The following RIMBP2 variants were observed in gnomAD, a reference collection of about 807,000 sequenced individuals.
RIMBP2 encodes RIMS-binding protein 2.
RIMBP2 carries 48 observed loss-of-function variants against 118.6 expected under a neutral mutation model. That is an observed-to-expected ratio of 0.40 (90% CI 0.32 to 0.51). The LOEUF (loss-of-function observed/expected upper bound fraction) is 0.51. Ranked by LOEUF, RIMBP2 falls within the 20% of genes least tolerant of loss-of-function variation. The probability of loss-of-function intolerance (pLI) is 0.41; values close to 1 mark genes in which losing one functional copy is unlikely to be tolerated. For missense variants in RIMBP2, 1,551 were observed against 1,768.3 expected, an observed-to-expected ratio of 0.88 and a Z score of 2.20; for synonymous variants, 762 against 742.9, an observed-to-expected ratio of 1.03 and a Z score of -0.42.
chr12:130,612,907 T>G (rs1348864039), intron 2 of RIMBP2, among the ~76,000 whole-genome samples: 1 of 72,320 alleles, frequency 1.4e-5, no homozygotes, highest in African/African-American at 5.3e-5. Flanking sequence ...CCCTCCCCCC[T>G]CCCCCAAGTC....
chr12:130,620,487 A>G lies in RIMBP2; in HGVS notation c.-217+7835T>C, dbSNP rs774727545. ...TAGTTTCCTCCAGCCGCCGTGACAA[A>G]GTACGACAAGCCAGGAGGCTTGAAG... On this transcript the variant is annotated intron_variant, in intron 2 of 22. Coordinates refer to ENST00000690449, the MANE Select transcript of RIMBP2 (RefSeq NM_001393629.1). This position sits in a 1 kb window ranked among gnomAD's most constrained non-coding sequence, Gnocchi z 5.3. Among the ~76,000 whole-genome samples the G allele has an allele frequency of 5.9e-5, 9 of 152,174 alleles. No homozygotes were observed. Among genetic ancestry groups the G allele is most frequent in the Non-Finnish European group, 8.8e-5 (6 of 68,016 alleles).
intron 2 of RIMBP2, among the ~76,000 whole-genome samples, chr12:130,568,082 T>A (rs1367653850): frequency 6.6e-6 from 1 of 152,224 alleles, no homozygotes; most frequent in Non-Finnish European, 1.5e-5. Context: ...ACATCAGGTG[T>A]CCCTCCATTC....
chr12:130,481,928 C>T (rs1215362687), intron 4 of RIMBP2, among the ~76,000 whole-genome samples: 78 of 130,284 alleles, frequency 6.0e-4, no homozygotes, highest in Non-Finnish European at 1.3e-3. Context: ...CCCGACCCCC[C>T]AAGCCGCCAC....
rs762822464 is a variant in RIMBP2 at position 130,442,532 on chromosome 12, T to C, written c.820A>G (p.Ile274Val). The change falls in exon 11 of 23, where the codon ATC becomes GTC. Residue 274 changes from isoleucine to valine, a missense_variant. Ile to Val is a conservative substitution (Grantham distance 29). Around this residue, in one of 5 missense-constraint regions of RIMBP2, gnomAD observed 265 missense variants for 349.5 expected, o/e 0.76. Transcript: ENST00000690449. This position sits in a 1 kb window ranked among gnomAD's most constrained non-coding sequence, Gnocchi z 6.9. Reference sequence around the variant, plus strand: ...AGGATGTGCTCTCCCTCCAGGCCGATGCCGGAATGGTTGATGAAGTTCTGA... The same window carrying C: ...AGGATGTGCTCTCCCTCCAGGCCGACGCCGGAATGGTTGATGAAGTTCTGA... ...QDQNFINHSG[I>V]GLEGEHILDL... 1.2e-6 allele frequency: 2 copies of C among 1,614,042 alleles called. No homozygotes were observed. Among genetic ancestry groups the C allele is most frequent in the African/African-American group, 2.7e-5 (2 of 74,914 alleles).
chr12:130,534,561 G>A (rs2053817700), intron 2 of RIMBP2, among the ~76,000 whole-genome samples: 1 of 152,228 alleles, frequency 6.6e-6, no homozygotes, highest in African/African-American at 2.4e-5. Flanking sequence ...AAATGTAGCG[G>A]GAAGTGTGAG....
intron 1 of RIMBP2, among the ~76,000 whole-genome samples, chr12:130,644,921 C>T (rs181880654): frequency 5.3e-4 from 80 of 152,312 alleles, no homozygotes; most frequent in African/African-American, 1.8e-3. Flanking sequence ...CACCTGCCAG[C>T]GGCAATGACC....
intron 2 of RIMBP2, among the ~76,000 whole-genome samples, chr12:130,572,433 C>T (rs2057749283): frequency 6.6e-6 from 1 of 152,072 alleles, no homozygotes; most frequent in African/African-American, 2.4e-5. Context: ...TAGAAGGGAC[C>T]TTCCTTGGAC....
chr12:130,512,720 G>A (rs1213804274), intron 3 of RIMBP2, among the ~76,000 whole-genome samples: 1 of 152,206 alleles, frequency 6.6e-6, no homozygotes, highest in East Asian at 1.9e-4. Context: ...GACTCAGAGT[G>A]ACAAAGATGA....
At chr12:130,457,616 C>T (rs1001469934) in intron 6 of RIMBP2, among the ~76,000 whole-genome samples, 2 of 152,238 alleles carry the variant, frequency 1.3e-5, no homozygotes, top group African/African-American at 2.4e-5. Context: ...CTTCTCACCC[C>T]GCGTTCCTTT....
chr12:130,486,821 T>C (rs914989423), intron 4 of RIMBP2, among the ~76,000 whole-genome samples: 3 of 151,868 alleles, frequency 2.0e-5, no homozygotes, highest in Non-Finnish European at 4.4e-5. Context: ...CCCTAGACTA[T>C]GGTAGACTAC....
At chr12:130,481,601 C>T (rs2082016350) in intron 4 of RIMBP2, among the ~76,000 whole-genome samples, 1 of 152,204 alleles carries the variant, frequency 6.6e-6, no homozygotes, top group African/African-American at 2.4e-5. Context: ...CTCACAAGAA[C>T]CCGGGATCCG....
Position 130,424,135 on chromosome 12 carries a change from C to A in RIMBP2, c.3129+7G>T. The A allele has an allele frequency of 8.2e-7, 1 of 1,224,430 alleles. No individual in the cohort carries two copies. The highest frequency in any genetic ancestry group is 4.1e-5 in the South Asian group (1 of 24,146). 75.8% of individuals were successfully genotyped at this position (1,224,430 alleles called of 1,614,324 possible). ...GCGGCTGTGAAAAGGAAGTTTAGGTCACACACCAGGGGGCCTTGTGCGACT... is the reference window on the plus strand; with the variant it reads ...GCGGCTGTGAAAAGGAAGTTTAGGTAACACACCAGGGGGCCTTGTGCGACT... On this transcript the variant is annotated splice_region_variant and intron_variant, in intron 16 of 22. Transcript: ENST00000690449. The surrounding 1 kb of genome is among the most constrained non-coding windows in gnomAD (Gnocchi z 9.8).
intron 2 of RIMBP2, among the ~76,000 whole-genome samples, chr12:130,538,946 G>C (rs1477202887): frequency 6.6e-6 from 1 of 152,196 alleles, no homozygotes; most frequent in African/African-American, 2.4e-5. Context: ...GGGTGGGCCT[G>C]AGGGTGCTAA....
At chr12:130,541,191 G>A (rs541139544) in intron 2 of RIMBP2, among the ~76,000 whole-genome samples, 8 of 152,274 alleles carry the variant, frequency 5.3e-5, no homozygotes, top group African/African-American at 1.9e-4. Flanking sequence ...TCTGTCTATG[G>A]AGCAGGCATC....
chr12:130,709,766 T>C (rs1285502786), intron 1 of RIMBP2, among the ~76,000 whole-genome samples: 1 of 144,280 alleles, frequency 6.9e-6, no homozygotes, highest in South Asian at 2.5e-4. Context: ...GTTCCTGACA[T>C]TCCCATCGCG....
rs543977525 is a variant in RIMBP2, at chr12:130,581,988, C to A, written c.-217+46334G>T. ...ACCACCACCACCACCGACCTCAGGA[C>A]CTTTGCACCTGCTGCTCCCTCTGCC... is the stretch of plus-strand genomic sequence containing the variant. On this transcript the variant is annotated intron_variant, in intron 2 of 22. Coordinates refer to ENST00000690449, the MANE Select transcript of RIMBP2 (RefSeq NM_001393629.1). The surrounding 1 kb of genome is among the most constrained non-coding windows in gnomAD (Gnocchi z 4.4). 1.5e-3 allele frequency among the ~76,000 whole-genome samples: 224 copies of A among 152,228 alleles called. 1 individual carries two copies. Among genetic ancestry groups the A allele is most frequent in the African/African-American group, 5.1e-3 (210 of 41,536 alleles).
At chr12:130,505,348 GC>G (rs1566161102) in intron 4 of RIMBP2, among the ~76,000 whole-genome samples, 1 of 151,960 alleles carries the variant, frequency 6.6e-6, no homozygotes, top group African/African-American at 2.4e-5. Context: ...AGTGTGCAGT[GC>G]CCCATGGTTT....
chr12:130,715,448 C>T (rs1407222088), intron 1 of RIMBP2, among the ~76,000 whole-genome samples: 1 of 152,098 alleles, frequency 6.6e-6, no homozygotes, highest in Non-Finnish European at 1.5e-5. Context: ...GACAGATGTC[C>T]GGGCCCCCAC....
At chr12:130,566,877 A>T (rs1416683265) in intron 2 of RIMBP2, among the ~76,000 whole-genome samples, 1 of 152,232 alleles carries the variant, frequency 6.6e-6, no homozygotes, top group Admixed American at 6.5e-5. Context: ...AATGTCTCCT[A>T]GGGCTGCATT....
Sources: allele counts gnomAD v4.1 joint callset (sites outside exome capture counted in the v4.1 genomes callset), GRCh38; gene constraint gnomAD v4.1.1; regional missense constraint gnomAD v4.1.1; non-coding constraint Gnocchi (gnomAD v3.1); transcripts MANE v1.5; gene names NCBI Gene and HGNC (gene_info 2026-07-23, HGNC 2026-07-21).